LRRIQ1: variants seen among roughly 807,000 people sequenced by gnomAD.
LRRIQ1 encodes the protein leucine-rich repeat- and IQ domain-containing protein 1.
Under a neutral mutation model 211.9 loss-of-function variants are expected in LRRIQ1, and 210 were observed. The observed-to-expected ratio is 0.99, with a 90% CI of 0.89 to 1.11. The LOEUF (loss-of-function observed/expected upper bound fraction) is 1.11, where lower values mean the gene tolerates loss of function less well. Among genes scored for constraint, LRRIQ1 ranks in the 50% most tolerant of loss-of-function variants. The pLI, the probability that LRRIQ1 is intolerant of heterozygous loss-of-function variation, is 0.00. For missense variants in LRRIQ1, 2,136 were observed against 1,939.5 expected (o/e 1.10, Z -1.90); for synonymous variants, 699 against 650.1 (o/e 1.08, Z -1.14).
At chr12:85,071,697 C>T (rs561682637) in intron 10 of LRRIQ1, among the ~76,000 whole-genome samples, 4 of 152,098 alleles carry the variant, frequency 2.6e-5, no homozygotes, top group South Asian at 4.1e-4. Context: ...CAGTTCCACA[C>T]GGCTGGGGCC....
At chr12:85,197,035 C>G (rs1892956139) in intron 24 of LRRIQ1, among the ~76,000 whole-genome samples, 1 of 151,348 alleles carries the variant, frequency 6.6e-6, no homozygotes, top group East Asian at 1.9e-4. Context: ...ACAGACACTT[C>G]TCAAAAGAAG....
chr12:85,241,605 G>A (rs1895465688), intron 26 of LRRIQ1, among the ~76,000 whole-genome samples: 1 of 151,860 alleles, frequency 6.6e-6, no homozygotes, highest in Admixed American at 6.6e-5. Context: ...GCAAGCAGCA[G>A]AAAATATATC....
intron 24 of LRRIQ1, among the ~76,000 whole-genome samples, chr12:85,203,164 G>T (rs1352725608): frequency 6.6e-6 from 1 of 152,126 alleles, no homozygotes; most frequent in Non-Finnish European, 1.5e-5. Context: ...TTTATCAGGG[G>T]TTTTCGCTTT....
At chr12:85,238,233 T>A in intron 26 of LRRIQ1, among the ~76,000 whole-genome samples, 1 of 150,108 alleles carries the variant, frequency 6.7e-6, no homozygotes, top group African/African-American at 2.5e-5. Context: ...AGAGAAAAAA[T>A]AACTTAAAAA....
intron 19 of LRRIQ1, among the ~76,000 whole-genome samples, chr12:85,148,449 T>C (rs1033801252): frequency 4.6e-5 from 7 of 151,858 alleles, no homozygotes; most frequent in Non-Finnish European, 1.0e-4. Flanking sequence ...TGGCTTCCAG[T>C]TTCACCCATG....
rs181842639 is a variant in LRRIQ1, at chr12:85,197,846, T to G, written c.4823-31671T>G. Among the ~76,000 whole-genome samples, 742 of 136,134 alleles carry G rather than the reference T, an allele frequency of 5.5e-3. 5 individuals carry two copies. Among genetic ancestry groups the G allele is most frequent in the Non-Finnish European group, 8.7e-3 (572 of 65,400 alleles). 89.3% of individuals were successfully genotyped at this position (136,134 alleles called of 152,430 possible). On this transcript the variant is annotated intron_variant, in intron 24 of 26. Coordinates refer to ENST00000393217, the MANE Select transcript of LRRIQ1 (RefSeq NM_001079910.2). ...TAATAAAAAAATAAAAAATATTATA[T>G]TTATTATAAATATAATAAATATAAT...
At chr12:85,232,823 A>G (rs748498054) in intron 26 of LRRIQ1, 67 bp downstream of exon 26, 1 of 1,053,626 alleles carries the variant, frequency 9.5e-7, no homozygotes, top group South Asian at 1.3e-5. Context: ...ATGGCACTTT[A>G]AGATATGTTT....
rs540970056 is a variant in LRRIQ1 at position 85,109,132 on chromosome 12, C to T, written c.3377+2517C>T. On this transcript the variant is annotated intron_variant, in intron 15 of 26. Transcript: ENST00000393217. The stretch of plus-strand genomic sequence containing the variant: ...GATATATTACAGAAGAATTAAATGT[C>T]TGGTTATGTTTAAAATTCCCATATC... Among the ~76,000 whole-genome samples, 11 of 152,186 alleles carry T rather than the reference C, an allele frequency of 7.2e-5. No individual in the cohort carries two copies. The East Asian group carries it at 1.9e-3, about 27-fold the overall frequency.
intron 24 of LRRIQ1, among the ~76,000 whole-genome samples, chr12:85,175,998 T>A (rs1457583598): frequency 6.6e-6 from 1 of 152,166 alleles, no homozygotes; most frequent in Non-Finnish European, 1.5e-5. Flanking sequence ...GGCTCTTTTT[T>A]GATTCCATAT....
rs1404341128 is a variant in LRRIQ1 at position 85,098,698 on chromosome 12, C to T, written c.3081+150C>T. 3 of 721,130 alleles carry T rather than the reference C, an allele frequency of 4.2e-6. No individual in the cohort carries two copies. The South Asian group carries it at 7.7e-5, about 19-fold the overall frequency. 44.7% of individuals were successfully genotyped at this position (721,130 alleles called of 1,614,324 possible). On this transcript the variant is annotated intron_variant, in intron 12 of 26. Coordinates refer to ENST00000393217, the MANE Select transcript of LRRIQ1 (RefSeq NM_001079910.2). Reference sequence around the variant, plus strand: ...TTTATCAAGAATATTAAATATTATACAGTTAATTAATAGAAATTTTATTCA... The same window carrying T: ...TTTATCAAGAATATTAAATATTATATAGTTAATTAATAGAAATTTTATTCA...
intron 23 of LRRIQ1, among the ~76,000 whole-genome samples, chr12:85,156,880 A>G (rs555038794): frequency 6.6e-6 from 1 of 151,976 alleles, no homozygotes; most frequent in Admixed American, 6.6e-5. Flanking sequence ...ATTATGGCCT[A>G]CAATCTAACA....
At chr12:85,165,580 C>A (rs1185905544) in intron 24 of LRRIQ1, among the ~76,000 whole-genome samples, 2 of 147,660 alleles carry the variant, frequency 1.4e-5, no homozygotes, top group Non-Finnish European at 3.0e-5. Context: ...TCAAGCAATT[C>A]TCCTGCCTCA....
intron 24 of LRRIQ1, among the ~76,000 whole-genome samples, chr12:85,173,585 C>G (rs762757568): frequency 6.6e-6 from 1 of 151,928 alleles, no homozygotes; most frequent in African/African-American, 2.4e-5. Flanking sequence ...TCCCTGCTCA[C>G]TCAGAAAGCT....
intron 26 of LRRIQ1, among the ~76,000 whole-genome samples, chr12:85,242,406 G>C (rs1895506566): frequency 6.6e-6 from 1 of 151,792 alleles, no homozygotes; most frequent in Non-Finnish European, 1.5e-5. Flanking sequence ...ATTTATTTAG[G>C]TATTAGAAGT....
intron 24 of LRRIQ1, among the ~76,000 whole-genome samples, chr12:85,203,629 C>T (rs1893403076): frequency 6.6e-6 from 1 of 152,014 alleles, no homozygotes; most frequent in Non-Finnish European, 1.5e-5. Flanking sequence ...AAAGGTGTGT[C>T]TTGTTATGTT....
intron 7 of LRRIQ1, 147 bp from the exon 8 acceptor site, chr12:85,055,400 T>C: frequency 1.7e-6 from 1 of 577,204 alleles, no homozygotes; most frequent in Non-Finnish European, 2.6e-6. Flanking sequence ...TTAAGATAAA[T>C]GACTTTAGTT....
intron 1 of LRRIQ1, among the ~76,000 whole-genome samples, chr12:85,036,718 C>T (rs1211335506): frequency 2.0e-5 from 3 of 151,822 alleles, no homozygotes; most frequent in African/African-American, 7.3e-5. Context: ...CCCTCCTTTC[C>T]ACCCTTTCTT....
intron 24 of LRRIQ1, among the ~76,000 whole-genome samples, chr12:85,169,005 T>C (rs1565881567): frequency 6.6e-6 from 1 of 152,206 alleles, no homozygotes; most frequent in Non-Finnish European, 1.5e-5. Flanking sequence ...GTTTCAATAG[T>C]ATCCTGAGGA....
At chr12:85,104,788 C>G (rs2136313406) in intron 14 of LRRIQ1, among the ~76,000 whole-genome samples, 1 of 152,026 alleles carries the variant, frequency 6.6e-6, no homozygotes, top group South Asian at 2.1e-4. Context: ...TAAGTTTTCT[C>G]TTCTCTTGGG....
Sources: allele counts gnomAD v4.1 joint callset (sites outside exome capture counted in the v4.1 genomes callset), GRCh38; gene constraint gnomAD v4.1.1; transcripts MANE v1.5; gene names NCBI Gene and HGNC (gene_info 2026-07-23, HGNC 2026-07-21).